Variants in ESRRG observed in about 807,000 individuals in gnomAD.
ESRRG encodes the protein estrogen-related receptor gamma.
A neutral mutation model predicts 44.0 loss-of-function variants in ESRRG; 13 were observed. That is an observed-to-expected ratio of 0.30 (90% confidence interval 0.19 to 0.47). The LOEUF is 0.47. ESRRG is among the 20% of genes least tolerant of loss of function. The pLI, the probability that ESRRG is intolerant of heterozygous loss-of-function variation, is 1.00. For synonymous variants in ESRRG, 215 were observed against 214.6 expected, an observed-to-expected ratio of 1.00 and a Z score of -0.02; for missense variants, 395 against 580.6, an observed-to-expected ratio of 0.68 and a Z score of 3.29.
At chr1:216,865,621 G>T (rs1054269781) in intron 2 of ESRRG, among the ~76,000 whole-genome samples, 2 of 152,086 alleles carry the variant, frequency 1.3e-5, no homozygotes, top group Admixed American at 6.6e-5. Flanking sequence ...TGGAACACTT[G>T]TTTAGCACTT....
chr1:217,077,958 C>T (rs2091454703), intron 1 of ESRRG, among the ~76,000 whole-genome samples: 2 of 152,154 alleles, frequency 1.3e-5, no homozygotes, highest in South Asian at 2.1e-4. Context: ...TATTACAACC[C>T]CATCTACTGC....
intron 2 of ESRRG, among the ~76,000 whole-genome samples, chr1:216,875,362 C>T (rs1049133101): frequency 6.6e-6 from 1 of 152,142 alleles, no homozygotes; most frequent in Non-Finnish European, 1.5e-5. Flanking sequence ...ACCCCAGAGT[C>T]CCCTCAGACC....
At chr1:216,662,569 C>T (rs750048654) in intron 2 of ESRRG, among the ~76,000 whole-genome samples, 18 of 151,974 alleles carry the variant, frequency 1.2e-4, no homozygotes, top group African/African-American at 2.9e-4. Flanking sequence ...ATAAGTGCCT[C>T]GCATCCCCCA....
chr1:216,861,947 C>T (rs2096061360), intron 2 of ESRRG, among the ~76,000 whole-genome samples: 1 of 152,056 alleles, frequency 6.6e-6, no homozygotes, highest in East Asian at 1.9e-4. Flanking sequence ...GAAAGATGCT[C>T]AACATCATTA....
intron 2 of ESRRG, among the ~76,000 whole-genome samples, chr1:216,924,798 C>G (rs1439176858): frequency 6.6e-6 from 1 of 152,082 alleles, no homozygotes; most frequent in Non-Finnish European, 1.5e-5. Flanking sequence ...AAACAGGAAG[C>G]CGTAGCGGGT....
chr1:217,016,689 A>G (rs1401274089), intron 1 of ESRRG, among the ~76,000 whole-genome samples: 1 of 152,148 alleles, frequency 6.6e-6, no homozygotes, highest in Non-Finnish European at 1.5e-5. Flanking sequence ...CCATCAAAAG[A>G]GATTTTCCTT....
At chr1:217,048,585 C>T (rs1242594605) in intron 1 of ESRRG, among the ~76,000 whole-genome samples, 1 of 152,122 alleles carries the variant, frequency 6.6e-6, no homozygotes, top group African/African-American at 2.4e-5. Context: ...TCCACCAATG[C>T]CACAGGCACA....
intron 1 of ESRRG, among the ~76,000 whole-genome samples, chr1:216,974,878 T>C (rs1318080154): frequency 6.6e-6 from 1 of 152,038 alleles, no homozygotes; most frequent in Non-Finnish European, 1.5e-5. Context: ...TTTGTGCTTT[T>C]TTTTTTTTTT....
Position 216,739,947 on chromosome 1 carries a change from C to G in ESRRG, c.-13-62456G>C, listed in dbSNP as rs191815028. ...AGACTCCTTCATTCCTCACTCTGTT[C>G]CCTGCAGATTGTCTTGTAAATGTGG... On this transcript the variant is annotated intron_variant, in intron 2 of 7. Coordinates refer to the ESRRG transcript ENST00000359162. Among the ~76,000 whole-genome samples the G allele has an allele frequency of 1.3e-5, 2 of 152,272 alleles. 1 individual carries two copies. The highest frequency in any genetic ancestry group is 1.3e-4 in the Admixed American group (2 of 15,296).
intron 2 of ESRRG, among the ~76,000 whole-genome samples, chr1:216,888,467 A>G (rs897054130): frequency 1.3e-5 from 2 of 152,184 alleles, no homozygotes; most frequent in African/African-American, 2.4e-5. Context: ...CTTAGGCTTT[A>G]TAATAACAAG....
chr1:216,628,203 A>G (rs1028078851), intron 3 of ESRRG, among the ~76,000 whole-genome samples: 7 of 152,348 alleles, frequency 4.6e-5, no homozygotes, highest in African/African-American at 1.4e-4. Flanking sequence ...CAATGAATAC[A>G]AATAACTCTG....
At chr1:216,685,572 C>T (rs1240438336) in intron 1 of ESRRG, among the ~76,000 whole-genome samples, 1 of 152,178 alleles carries the variant, frequency 6.6e-6, no homozygotes, top group Non-Finnish European at 1.5e-5. Context: ...AATAAACAGA[C>T]ATTCAACTCA....
intron 5 of ESRRG, among the ~76,000 whole-genome samples, chr1:216,532,230 T>C (rs954623808): frequency 6.6e-6 from 1 of 152,114 alleles, no homozygotes; most frequent in Admixed American, 6.6e-5. Flanking sequence ...AGATTAATTC[T>C]AAATATACCC....
intron 3 of ESRRG, among the ~76,000 whole-genome samples, chr1:216,584,163 C>G (rs11117628): frequency 0.49 from 73,851 of 151,892 alleles, 19,614 homozygotes; most frequent in African/African-American, 0.71. Flanking sequence ...TATGTATATA[C>G]ATATAGGGCT....
chr1:216,931,126 T>A (rs1238921874), intron 2 of ESRRG, among the ~76,000 whole-genome samples: 7 of 152,208 alleles, frequency 4.6e-5, no homozygotes, highest in African/African-American at 1.2e-4. Flanking sequence ...CACCTGTCAC[T>A]GTCTGGTCCC....
chr1:216,672,616 C>G (rs989235997), intron 2 of ESRRG, among the ~76,000 whole-genome samples: 2 of 152,114 alleles, frequency 1.3e-5, no homozygotes, highest in African/African-American at 2.4e-5. Context: ...GCCTGTAATC[C>G]CAGCACTTTG....
At chr1:217,002,066 C>G (rs1377187194) in intron 1 of ESRRG, among the ~76,000 whole-genome samples, 1 of 151,792 alleles carries the variant, frequency 6.6e-6, no homozygotes, top group Admixed American at 6.6e-5. Context: ...CTTTGGGAGG[C>G]CGAGTCTGGT....
At position 216,640,111 on chromosome 1, in the gene ESRRG, T is replaced by G. The variant is rs948014605; in HGVS notation, c.589+10862A>C. ...GTCAGTTACTACTGTGCTGGGGCTGTGCAGTCTACTTGGGTAAGGCTGAGT... is the reference window on the plus strand; with the variant it reads ...GTCAGTTACTACTGTGCTGGGGCTGGGCAGTCTACTTGGGTAAGGCTGAGT... On this transcript the variant is annotated intron_variant, in intron 3 of 6. Coordinates refer to ENST00000408911, the MANE Select transcript of ESRRG (RefSeq NM_001438.4). 3.9e-5 allele frequency among the ~76,000 whole-genome samples: 6 copies of G among 152,322 alleles called. No homozygotes were observed. In the East Asian group the frequency reaches 1.2e-3, roughly 29 times the overall value.
intron 2 of ESRRG, among the ~76,000 whole-genome samples, chr1:216,882,197 G>T (rs2096458391): frequency 6.6e-6 from 1 of 152,024 alleles, no homozygotes; most frequent in African/African-American, 2.4e-5. Context: ...GTGGGTGATG[G>T]GTGCATAGCC....
Sources: allele counts gnomAD v4.1 joint callset (sites outside exome capture counted in the v4.1 genomes callset), GRCh38; gene constraint gnomAD v4.1.1; transcripts MANE v1.5; gene names NCBI Gene and HGNC (gene_info 2026-07-23, HGNC 2026-07-21).